The following KIRREL3 variants were observed in gnomAD, a reference collection of about 807,000 sequenced individuals.
KIRREL3 encodes kirre like nephrin family adhesion molecule 3, also known as kin of IRRE-like protein 3.
In KIRREL3, 36 loss-of-function variants were observed where a neutral mutation model predicts 89.7. The observed-to-expected ratio is 0.40, with a 90% CI of 0.31 to 0.53. The LOEUF (loss-of-function observed/expected upper bound fraction) is 0.53, where lower values mean the gene tolerates loss of function less well. KIRREL3 is among the 20% of genes least tolerant of loss of function. The probability of loss-of-function intolerance (pLI) is 0.49; values close to 1 mark genes in which losing one functional copy is unlikely to be tolerated. For synonymous variants in KIRREL3, 445 were observed against 441.4 expected, an observed-to-expected ratio of 1.01 and a Z score of -0.10; for missense variants, 864 against 1,056.6, an observed-to-expected ratio of 0.82 and a Z score of 2.53.
Position 126,425,740 on chromosome 11 carries a change from G to C in KIRREL3, c.1807-16C>G. On this transcript the variant is annotated splice_polypyrimidine_tract_variant and intron_variant, in intron 15 of 16. Transcript: ENST00000525144. ...CCCGGTCCATCTGCAACCCAAAAAA[G>C]GCTGCTCAGTAGATAGGAGGTGGCT... 2.5e-6 allele frequency: 4 copies of C among 1,582,290 alleles called. No individual in the cohort carries two copies. The highest frequency in any genetic ancestry group is 3.4e-6 in the Non-Finnish European group (4 of 1,162,442).
chr11:126,993,778 A>G lies in KIRREL3; in HGVS notation c.55+6677T>C, dbSNP rs1026472828. 2.0e-5 allele frequency among the ~76,000 whole-genome samples: 3 copies of G among 152,214 alleles called. No individual in the cohort carries two copies. Among genetic ancestry groups the G allele is most frequent in the Non-Finnish European group, 4.4e-5 (3 of 68,040 alleles). On this transcript the variant is annotated intron_variant, in intron 1 of 16. Coordinates refer to ENST00000525144, the MANE Select transcript of KIRREL3 (RefSeq NM_032531.4). This position sits in a 1 kb window ranked among gnomAD's most constrained non-coding sequence, Gnocchi z 6.1. ...GGAGCAGCATATTTCACCCACTGAG[A>G]CACTAGACTATGTGGAGCCCCTGGG...
rs543763626 is a variant in KIRREL3 at position 126,537,407 on chromosome 11, A to G, written c.134-10720T>C. On this transcript the variant is annotated intron_variant, in intron 2 of 16. Coordinates refer to ENST00000525144, the MANE Select transcript of KIRREL3 (RefSeq NM_032531.4). This position sits in a 1 kb window ranked among gnomAD's most constrained non-coding sequence, Gnocchi z 4.3. ...AGGGGTTTAAGAGAATCTTGCTTCAAGCAAGGGAGTTGTGGGGAGGAAGCA... is the reference window on the plus strand; with the variant it reads ...AGGGGTTTAAGAGAATCTTGCTTCAGGCAAGGGAGTTGTGGGGAGGAAGCA... Among the ~76,000 whole-genome samples the G allele has an allele frequency of 2.0e-5, 3 of 152,348 alleles. No homozygotes were observed. The South Asian group carries it at 6.2e-4, about 32-fold the overall frequency.
intron 6 of KIRREL3, among the ~76,000 whole-genome samples, chr11:126,461,159 G>A (rs982071968): frequency 1.3e-5 from 2 of 152,264 alleles, no homozygotes; most frequent in African/African-American, 4.8e-5. Context: ...GATGTGACAG[G>A]CGTAGGCCCA....
intron 2 of KIRREL3, among the ~76,000 whole-genome samples, chr11:126,540,968 A>G (rs1938322229): frequency 6.6e-6 from 1 of 152,138 alleles, no homozygotes; most frequent in South Asian, 2.1e-4. Flanking sequence ...TTGGAGCAGC[A>G]TGGAAGGAAG....
chr11:126,478,732 CATGTGTATGTAAGT>C (rs1365217285), intron 4 of KIRREL3, among the ~76,000 whole-genome samples: 2 of 151,386 alleles, frequency 1.3e-5, no homozygotes, highest in African/African-American at 4.9e-5. Flanking sequence ...TGTGTGTATA[CATGTGTATGTAAGT>C]GTGTGTGTGT....
intron 1 of KIRREL3, among the ~76,000 whole-genome samples, chr11:126,770,152 G>C (rs1408385893): frequency 6.6e-6 from 1 of 152,030 alleles, no homozygotes; most frequent in African/African-American, 2.4e-5. Flanking sequence ...AGTTGGGGGG[G>C]AATTTGGGGG....
In KIRREL3 at chr11:126,430,506, T is replaced by G. The variant is rs182706979; in HGVS notation, c.1696+913A>C. 8.4e-4 allele frequency among the ~76,000 whole-genome samples: 128 copies of G among 152,320 alleles called. No individual in the cohort carries two copies. The highest frequency in any genetic ancestry group is 3.0e-3 in the African/African-American group (125 of 41,564). On this transcript the variant is annotated intron_variant, in intron 14 of 16. Coordinates refer to ENST00000525144, the MANE Select transcript of KIRREL3 (RefSeq NM_032531.4). The surrounding 1 kb of genome is among the most constrained non-coding windows in gnomAD (Gnocchi z 6.6). ...GTGTATATATTTGTATGCTTCCCTA[T>G]AATTTCCACTGAGACGGTGGTGATG...
At chr11:126,592,105 G>T (rs1942164874) in intron 1 of KIRREL3, among the ~76,000 whole-genome samples, 1 of 152,120 alleles carries the variant, frequency 6.6e-6, no homozygotes, top group Admixed American at 6.5e-5. Flanking sequence ...AACATTCCAG[G>T]GCCTTTTGTC....
Position 126,994,123 on chromosome 11 carries a change from G to C in KIRREL3, c.55+6332C>G, listed in dbSNP as rs188800726. On this transcript the variant is annotated intron_variant, in intron 1 of 16. Coordinates refer to ENST00000525144, the MANE Select transcript of KIRREL3 (RefSeq NM_032531.4). This position sits in a 1 kb window ranked among gnomAD's most constrained non-coding sequence, Gnocchi z 5.2. ...TGAAGACAGGCAAAGAGTAGGGTGA[G>C]AGCATAGCTCCCATTTGAGAAAAGT... Among the ~76,000 whole-genome samples, 279 of 152,194 alleles carry C rather than the reference G, an allele frequency of 1.8e-3. No homozygotes were observed. The highest frequency in any genetic ancestry group is 2.8e-3 in the Non-Finnish European group (192 of 68,004).
chr11:126,439,980 G>A (rs771936420), intron 11 of KIRREL3, among the ~76,000 whole-genome samples: 51 of 152,060 alleles, frequency 3.4e-4, no homozygotes, highest in Admixed American at 2.6e-4. Context: ...CACTTTAGAG[G>A]GGACGATTGA....
chr11:126,437,305 GC>G (rs901248055), intron 11 of KIRREL3, among the ~76,000 whole-genome samples: 10 of 152,008 alleles, frequency 6.6e-5, no homozygotes, highest in African/African-American at 2.4e-4. Context: ...TCTATACACA[GC>G]TCCCCACACA....
rs78193350 is a variant in KIRREL3 at position 126,795,370 on chromosome 11, T to C, written c.55+205085A>G. On this transcript the variant is annotated intron_variant, in intron 1 of 16. Coordinates refer to ENST00000525144, the MANE Select transcript of KIRREL3 (RefSeq NM_032531.4). This position sits in a 1 kb window ranked among gnomAD's most constrained non-coding sequence, Gnocchi z 4.1. ...GAGGACGTACATATAAATTTTATTT[T>C]ATTTTACTTTATTTTTTGAGACAGA... is the stretch of plus-strand genomic sequence containing the variant. 0.02 allele frequency among the ~76,000 whole-genome samples: 3,005 copies of C among 152,240 alleles called. 93 individuals carry two copies. The highest frequency in any genetic ancestry group is 0.066 in the African/African-American group (2,741 of 41,520).
At position 126,579,991 on chromosome 11, in the gene KIRREL3, G is replaced by A. The variant is rs1461986951; in HGVS notation, c.56-17079C>T. On this transcript the variant is annotated intron_variant, in intron 1 of 16. Coordinates refer to ENST00000525144, the MANE Select transcript of KIRREL3 (RefSeq NM_032531.4). This position sits in a 1 kb window ranked among gnomAD's most constrained non-coding sequence, Gnocchi z 5.3. ...CTCCCGAGTAGCTGGGACTATAGGC[G>A]CCCGCCACCATGCCAAGCTAATTTT... is the stretch of plus-strand genomic sequence containing the variant. Among the ~76,000 whole-genome samples, 1 of 151,918 alleles carries A rather than the reference G, an allele frequency of 6.6e-6. No homozygotes were observed.
In KIRREL3 at chr11:126,812,226, C is replaced by G. The variant is rs888234642; in HGVS notation, c.55+188229G>C. On this transcript the variant is annotated intron_variant, in intron 1 of 16. Coordinates refer to ENST00000525144, the MANE Select transcript of KIRREL3 (RefSeq NM_032531.4). This position sits in a 1 kb window ranked among gnomAD's most constrained non-coding sequence, Gnocchi z 5.2. ...GATCATTAATTTCCTTACTTTGGAA[C>G]TTTGGGGTCCTTAGGATAGCGCTGT... 6.6e-6 allele frequency among the ~76,000 whole-genome samples: 1 copy of G among 152,100 alleles called. No homozygotes were observed. Among genetic ancestry groups the G allele is most frequent in the African/African-American group, 2.4e-5 (1 of 41,402 alleles).
rs1161273021 is a variant in KIRREL3 at position 126,636,150 on chromosome 11, T to C, written c.56-73238A>G. Among the ~76,000 whole-genome samples the C allele has an allele frequency of 6.6e-6, 1 of 152,204 alleles. No individual in the cohort carries two copies. Among genetic ancestry groups the C allele is most frequent in the Admixed American group, 6.5e-5 (1 of 15,280 alleles). The stretch of plus-strand genomic sequence containing the variant: ...AATTTTGAATTTTAGTTCCTTCATT[T>C]GTAAAAATGGGAAGGGTAATAGCAC... On this transcript the variant is annotated intron_variant, in intron 1 of 16. Coordinates refer to ENST00000525144, the MANE Select transcript of KIRREL3 (RefSeq NM_032531.4). The surrounding 1 kb of genome is among the most constrained non-coding windows in gnomAD (Gnocchi z 4.4).
intron 1 of KIRREL3, among the ~76,000 whole-genome samples, chr11:126,803,988 G>A (rs1231853133): frequency 6.6e-6 from 1 of 152,194 alleles, no homozygotes; most frequent in African/African-American, 2.4e-5. Flanking sequence ...GGGAAGACAA[G>A]TGGCCTTTGT....
At position 126,686,423 on chromosome 11, in the gene KIRREL3, G is replaced by A. The variant is rs1946668050; in HGVS notation, c.56-123511C>T. On this transcript the variant is annotated intron_variant, in intron 1 of 16. Transcript: ENST00000525144. This position sits in a 1 kb window ranked among gnomAD's most constrained non-coding sequence, Gnocchi z 4.7. ...AGAAGACACCATCCTATTTTTATAA[G>A]CCTTGTGGGTCTGTGGAAGAGAATG... Among the ~76,000 whole-genome samples, 1 of 152,064 alleles carries A rather than the reference G, an allele frequency of 6.6e-6. No homozygotes were observed. The highest frequency in any genetic ancestry group is 2.1e-4 in the South Asian group (1 of 4,822).
In KIRREL3 at chr11:126,530,517, C is replaced by T. The variant is rs1212342478; in HGVS notation, c.134-3830G>A. Among the ~76,000 whole-genome samples the T allele has an allele frequency of 6.6e-6, 1 of 152,186 alleles. No individual in the cohort carries two copies. Among genetic ancestry groups the T allele is most frequent in the Non-Finnish European group, 1.5e-5 (1 of 68,040 alleles). On this transcript the variant is annotated intron_variant, in intron 2 of 16. Coordinates refer to ENST00000525144, the MANE Select transcript of KIRREL3 (RefSeq NM_032531.4). This position sits in a 1 kb window ranked among gnomAD's most constrained non-coding sequence, Gnocchi z 5.8. ...GTGAGCTCCTGAGAACCTGTTTCTT[C>T]CACACACACACTGACCGGACCCTGC...
chr11:126,766,314 C>G lies in KIRREL3; in HGVS notation c.56-203402G>C, dbSNP rs1398951931. ...GGTGCTATAATATGGTCCTGCCAAA[C>G]CCATTACAGTAATGACAGTGTTGCA... On this transcript the variant is annotated intron_variant, in intron 1 of 16. Transcript: ENST00000525144. The surrounding 1 kb of genome is among the most constrained non-coding windows in gnomAD (Gnocchi z 4.2). Among the ~76,000 whole-genome samples the G allele has an allele frequency of 1.3e-5, 2 of 152,056 alleles. No homozygotes were observed. The highest frequency in any genetic ancestry group is 4.8e-5 in the African/African-American group (2 of 41,388).
Sources: gnomAD v4.1 joint callset for allele counts (sites outside exome capture counted in the v4.1 genomes callset) on GRCh38, gnomAD v4.1.1 for gene constraint, Gnocchi (gnomAD v3.1) non-coding constraint, MANE v1.5 for transcripts, NCBI Gene and HGNC (gene_info 2026-07-23, HGNC 2026-07-21) for gene names.